TRIP4: variants seen among roughly 807,000 people sequenced by gnomAD.
TRIP4 encodes thyroid hormone receptor interactor 4.
Under a neutral mutation model 81.8 loss-of-function variants are expected in TRIP4, and 54 were observed. The ratio of observed to expected loss-of-function variants is 0.66; its 90% CI spans 0.53 to 0.83. TRIP4 has a LOEUF of 0.83. Ranked by LOEUF, TRIP4 falls within the 40% of genes least tolerant of loss-of-function variation. The pLI is 0.00. For missense variants in TRIP4, 662 were observed against 683.6 expected (o/e 0.97, Z 0.35); for synonymous variants, 270 against 242.8 (o/e 1.11, Z -1.04).
chr15:64,388,802 C>T (rs1000473132), intron 1 of TRIP4, among the ~76,000 whole-genome samples: 1 of 152,230 alleles, frequency 6.6e-6, no homozygotes, highest in Non-Finnish European at 1.5e-5. Context: ...TAATTTTTCT[C>T]TCTGTACCCT....
At position 64,404,804 on chromosome 15, in the gene TRIP4, G is replaced by C. The variant is rs1432884304; in HGVS notation, c.698-1526G>C. ...TTACTGCAGCAATTCTCCTGCCTCA[G>C]CCTCCCAAGTAGCTGGATCTACAGG... On this transcript the variant is annotated intron_variant, in intron 5 of 12. Transcript: ENST00000261884. Among the ~76,000 whole-genome samples the C allele has an allele frequency of 2.0e-5, 3 of 152,220 alleles. No homozygotes were observed. In the East Asian group the frequency reaches 5.8e-4, roughly 29 times the overall value.
At chr15:64,440,840 T>C (rs1892500060) in intron 11 of TRIP4, among the ~76,000 whole-genome samples, 1 of 152,182 alleles carries the variant, frequency 6.6e-6, no homozygotes, top group Admixed American at 6.5e-5. Context: ...TAGAGCCATA[T>C]TGACTACTTG....
chr15:64,425,798 C>T (rs1255453965), intron 11 of TRIP4, among the ~76,000 whole-genome samples, 167 bp downstream of exon 11: 1 of 152,070 alleles, frequency 6.6e-6, no homozygotes, highest in Non-Finnish European at 1.5e-5. Context: ...AAAGCTGTTT[C>T]CAGGCCGGGC....
intron 12 of TRIP4, among the ~76,000 whole-genome samples, chr15:64,449,963 G>A (rs1892716916): frequency 6.6e-6 from 1 of 152,162 alleles, no homozygotes; most frequent in African/African-American, 2.4e-5. Context: ...CTATGATTGA[G>A]GATGTGGTTT....
chr15:64,432,052 A>G (rs1023119574), intron 11 of TRIP4, among the ~76,000 whole-genome samples: 29 of 150,202 alleles, frequency 1.9e-4, no homozygotes, highest in Non-Finnish European at 3.5e-4. Context: ...ACGCCCGGCT[A>G]ATTTTTGTAT....
chr15:64,401,825 C>T (rs1891516747), intron 5 of TRIP4, among the ~76,000 whole-genome samples: 1 of 152,026 alleles, frequency 6.6e-6, no homozygotes, highest in African/African-American at 2.4e-5. Flanking sequence ...GTAGTAACTG[C>T]CACAAGCACG....
chr15:64,450,197 C>T (rs982610686), intron 12 of TRIP4, among the ~76,000 whole-genome samples: 1 of 151,864 alleles, frequency 6.6e-6, no homozygotes, highest in Admixed American at 6.6e-5. Flanking sequence ...AGACCATCCT[C>T]GCTAACACGG....
chr15:64,424,275 G>T, intron 10 of TRIP4, 120 bp downstream of exon 10: 1 of 1,383,318 alleles, frequency 7.2e-7, no homozygotes, highest in Non-Finnish European at 9.8e-7. Flanking sequence ...TTTAATCTTT[G>T]TATATGTTTG....
intron 12 of TRIP4, among the ~76,000 whole-genome samples, chr15:64,451,492 G>A (rs1016773236): frequency 1.7e-5 from 2 of 118,082 alleles, no homozygotes; most frequent in African/African-American, 6.4e-5. Flanking sequence ...TTTTTTTGGG[G>A]AGTGGGTCTC....
chr15:64,394,390 G>A (rs984263466), intron 2 of TRIP4, among the ~76,000 whole-genome samples: 1 of 152,044 alleles, frequency 6.6e-6, no homozygotes, highest in Admixed American at 6.6e-5. Context: ...CGGATCACGT[G>A]GTCAGGAGAT....
chr15:64,435,153 T>G (rs1892361809), intron 11 of TRIP4, among the ~76,000 whole-genome samples: 1 of 144,240 alleles, frequency 6.9e-6, no homozygotes, highest in Non-Finnish European at 1.5e-5. Context: ...GAGGCAAGGG[T>G]TGCAGTGAGC....
chr15:64,454,257 A>C (rs74883860), intron 12 of TRIP4, among the ~76,000 whole-genome samples: 2,147 of 152,192 alleles, frequency 0.014, 23 homozygotes, highest in Non-Finnish European at 0.022. Flanking sequence ...CTCAGGCCAG[A>C]CAGACAGGAA....
At chr15:64,428,966 T>C (rs1462890753) in intron 11 of TRIP4, among the ~76,000 whole-genome samples, 1 of 152,176 alleles carries the variant, frequency 6.6e-6, no homozygotes, top group Non-Finnish European at 1.5e-5. Context: ...TTAGAATTGA[T>C]GTTAGCCCTA....
At chr15:64,391,401 C>T (rs1287039470) in intron 1 of TRIP4, among the ~76,000 whole-genome samples, 5 of 151,744 alleles carry the variant, frequency 3.3e-5, no homozygotes, top group Admixed American at 1.3e-4. Flanking sequence ...GTGGTCTGCC[C>T]GCCTCAGCCT....
intron 7 of TRIP4, among the ~76,000 whole-genome samples, chr15:64,413,373 C>T (rs936114449): frequency 2.0e-5 from 3 of 151,926 alleles, no homozygotes; most frequent in African/African-American, 7.3e-5. Flanking sequence ...ACCAGGGTCT[C>T]TCTATGTTGC....
rs1892857442 is a variant in TRIP4, at chr15:64,455,138, T to G, written c.*74T>G. ...ATTGCTATCTACTGGTCCTTTGGAA[T>G]TGAAGTAGTAGAAACCTAAAGGCTT... On this transcript the variant is annotated 3_prime_UTR_variant, in exon 13 of 13. Transcript: ENST00000261884. The G allele has an allele frequency of 7.3e-7, 1 of 1,375,032 alleles. No homozygotes were observed. Among genetic ancestry groups the G allele is most frequent in the Non-Finnish European group, 1.0e-6 (1 of 980,946 alleles). The allele number at this position is 1,375,032 out of a possible 1,614,324, so 85.2% of individuals were successfully genotyped here.
intron 1 of TRIP4, among the ~76,000 whole-genome samples, chr15:64,391,433 G>A (rs1003250656): frequency 1.3e-5 from 2 of 151,868 alleles, no homozygotes; most frequent in Admixed American, 1.3e-4. Context: ...GGGATTACAG[G>A]TGTGAGCCAC....
At chr15:64,446,505 A>G (rs1174816391) in intron 12 of TRIP4, among the ~76,000 whole-genome samples, 1 of 148,410 alleles carries the variant, frequency 6.7e-6, no homozygotes, top group East Asian at 2.2e-4. Flanking sequence ...CCTGGGTTCA[A>G]GCGATTCTCC....
intron 12 of TRIP4, among the ~76,000 whole-genome samples, chr15:64,451,585 C>T (rs891129888): frequency 1.3e-5 from 2 of 151,178 alleles, no homozygotes; most frequent in African/African-American, 4.9e-5. Context: ...AATTCTCCCA[C>T]CTCAGCCTCC....
Sources: allele counts gnomAD v4.1 joint callset (sites outside exome capture counted in the v4.1 genomes callset), GRCh38; gene constraint gnomAD v4.1.1; transcripts MANE v1.5; gene names NCBI Gene and HGNC (gene_info 2026-07-23, HGNC 2026-07-21).